Variants in RGS5 observed in about 807,000 individuals in gnomAD.
RGS5 encodes the protein regulator of G-protein signalling 5.
In RGS5, 20 loss-of-function variants were observed where a neutral mutation model predicts 18.9. The ratio of observed to expected loss-of-function variants is 1.06; its 90% CI spans 0.74 to 1.54. RGS5 has a LOEUF of 1.54. Ranked by LOEUF, RGS5 falls within the 40% of genes most tolerant of loss-of-function variation. The probability of loss-of-function intolerance (pLI) is 0.00; values close to 1 mark genes in which losing one functional copy is unlikely to be tolerated. For missense variants in RGS5, 201 were observed against 211.8 expected, an observed-to-expected ratio of 0.95 and a Z score of 0.32; for synonymous variants, 57 against 76.2, an observed-to-expected ratio of 0.75 and a Z score of 1.31.
intron 2 of RGS5, among the ~76,000 whole-genome samples, chr1:163,262,151 C>CTTTTTTTTTTTTTTTT (rs532698783): frequency 4.1e-5 from 5 of 121,124 alleles, no homozygotes; most frequent in African/African-American, 1.3e-4. Context: ...AGTTTTGAAA[C>CTTTTTTTTTTTTTTTT]TTTTTTTTTT....
At chr1:163,246,096 A>G (rs1326003704) in intron 2 of RGS5, among the ~76,000 whole-genome samples, 4 of 152,066 alleles carry the variant, frequency 2.6e-5, no homozygotes, top group Non-Finnish European at 5.9e-5. Context: ...GGGCACCTGC[A>G]GTCCCAGCTA....
At chr1:163,198,069 A>G (rs867933135) in intron 1 of RGS5, among the ~76,000 whole-genome samples, 13 of 152,274 alleles carry the variant, frequency 8.5e-5, no homozygotes, top group Middle Eastern at 3.4e-3. Flanking sequence ...CTGCCTTTCT[A>G]TTCTAAATTG....
chr1:163,186,361 G>A (rs868789000), intron 1 of RGS5, among the ~76,000 whole-genome samples: 2 of 151,884 alleles, frequency 1.3e-5, no homozygotes, highest in South Asian at 2.1e-4. Context: ...GAGCCACTGC[G>A]CCCAGCCCCA....
chr1:163,226,815 T>C (rs1647346599), intron 2 of RGS5, among the ~76,000 whole-genome samples: 1 of 152,244 alleles, frequency 6.6e-6, no homozygotes, highest in Non-Finnish European at 1.5e-5. Flanking sequence ...ATTAGCATTT[T>C]ATTTTTACCT....
At chr1:163,279,533 G>A (rs1270248284) in intron 2 of RGS5, among the ~76,000 whole-genome samples, 1 of 151,802 alleles carries the variant, frequency 6.6e-6, no homozygotes, top group East Asian at 1.9e-4. Flanking sequence ...AGTCCTAAGA[G>A]GAAAGTTTAT....
intron 2 of RGS5, among the ~76,000 whole-genome samples, chr1:163,284,331 T>C (rs952774716): frequency 6.6e-6 from 1 of 152,218 alleles, no homozygotes. Flanking sequence ...TTCTTTTTCA[T>C]AGCTATCTAT....
In RGS5 at chr1:163,241,397, T is replaced by G. The variant is rs142914393; in HGVS notation, c.-281+64836A>C. ...TAGCTGGGAGATTCTCTTCCATTGC[T>G]CTAAACTCTTGTTATGTATAGTTGC... is the stretch of plus-strand genomic sequence containing the variant. On this transcript the variant is annotated intron_variant, in intron 2 of 5. Transcript: ENST00000618415. 4.9e-3 allele frequency among the ~76,000 whole-genome samples: 741 copies of G among 152,332 alleles called. 5 individuals carry two copies. Among genetic ancestry groups the G allele is most frequent in the African/African-American group, 0.017 (697 of 41,574 alleles).
rs137917656 is a variant in RGS5 at position 163,197,419 on chromosome 1, T to C, written c.44+5373A>G. Among the ~76,000 whole-genome samples, 279 of 152,264 alleles carry C rather than the reference T, an allele frequency of 1.8e-3. 3 individuals carry two copies. The highest frequency in any genetic ancestry group is 6.2e-3 in the African/African-American group (256 of 41,572). On this transcript the variant is annotated intron_variant, in intron 1 of 4. Coordinates refer to ENST00000313961, the MANE Select transcript of RGS5 (RefSeq NM_003617.4). ...CACTAAAAGCTCTAGGGGCCCCGCC[T>C]ACCACCCCAACTTCTGTGCTTCTTG...
chr1:163,311,584 T>C (rs955080902), intron 1 of RGS5, among the ~76,000 whole-genome samples: 10 of 152,186 alleles, frequency 6.6e-5, no homozygotes, highest in Admixed American at 3.3e-4. Context: ...ATTCAAATAT[T>C]GCTGTGTCTC....
upstream of RGS5, among the ~76,000 whole-genome samples, chr1:163,219,453 T>C (rs1660289495): frequency 6.6e-6 from 1 of 152,154 alleles, no homozygotes; most frequent in African/African-American, 2.4e-5. Context: ...GCAGAGATTA[T>C]AAAAAATGTG....
intron 2 of RGS5, among the ~76,000 whole-genome samples, chr1:163,278,354 GA>G (rs1414968030): frequency 1.3e-5 from 2 of 151,994 alleles, no homozygotes; most frequent in Non-Finnish European, 2.9e-5. Context: ...AAAACTGCTG[GA>G]AAAAAGTACT....
chr1:163,236,389 A>T (rs1425926502), intron 2 of RGS5, among the ~76,000 whole-genome samples: 2 of 150,936 alleles, frequency 1.3e-5, no homozygotes, highest in South Asian at 4.2e-4. Flanking sequence ...GAAAAAAAAA[A>T]TTGTTTCTTC....
rs538155049 is a variant in RGS5, at chr1:163,271,454, C to G, written c.-281+34779G>C. ...TGTAAGGATACTAGTTGATGGCCATCTGCAAACCAGTAAGAAGGCCCTCAC... is the reference window on the plus strand; with the variant it reads ...TGTAAGGATACTAGTTGATGGCCATGTGCAAACCAGTAAGAAGGCCCTCAC... On this transcript the variant is annotated intron_variant, in intron 2 of 5. Transcript: ENST00000618415. 2.6e-5 allele frequency among the ~76,000 whole-genome samples: 4 copies of G among 152,254 alleles called. 1 individual carries two copies. The highest frequency in any genetic ancestry group is 9.6e-5 in the African/African-American group (4 of 41,536).
chr1:163,267,043 T>C (rs149219837), intron 2 of RGS5, among the ~76,000 whole-genome samples: 239 of 152,254 alleles, frequency 1.6e-3, no homozygotes, highest in African/African-American at 5.3e-3. Flanking sequence ...TATGGTGTTA[T>C]GGAGTGAATG....
chr1:163,221,207 C>T (rs1266060652), upstream of RGS5, among the ~76,000 whole-genome samples: 1 of 152,126 alleles, frequency 6.6e-6, no homozygotes, highest in Non-Finnish European at 1.5e-5. Flanking sequence ...CAATTAAGAT[C>T]TCTGTAGAGA....
intron 3 of RGS5, among the ~76,000 whole-genome samples, chr1:163,158,915 A>C (rs997904992): frequency 2.0e-5 from 3 of 152,244 alleles, no homozygotes; most frequent in Non-Finnish European, 4.4e-5. Flanking sequence ...CTCAACTACG[A>C]TCATAAAAGA....
chr1:163,316,592 A>G (rs1650031003), intron 1 of RGS5, among the ~76,000 whole-genome samples: 1 of 151,962 alleles, frequency 6.6e-6, no homozygotes, highest in African/African-American at 2.4e-5. Flanking sequence ...TCAAAAAAAA[A>G]AAAAGCTAAT....
intron 2 of RGS5, among the ~76,000 whole-genome samples, chr1:163,281,678 A>T (rs954780891): frequency 3.3e-5 from 5 of 152,142 alleles, no homozygotes. Flanking sequence ...CATATCAAGA[A>T]CTATAGTAAC....
chr1:163,298,478 G>A (rs1457219089), intron 2 of RGS5, among the ~76,000 whole-genome samples: 1 of 152,262 alleles, frequency 6.6e-6, no homozygotes, highest in East Asian at 1.9e-4. Context: ...GCTAAAGAAA[G>A]GAGTAGGGGT....
Sources: allele counts gnomAD v4.1 joint callset (sites outside exome capture counted in the v4.1 genomes callset), GRCh38; gene constraint gnomAD v4.1.1; transcripts MANE v1.5; gene names NCBI Gene and HGNC (gene_info 2026-07-23, HGNC 2026-07-21).